The following LANCL2 variants were observed in gnomAD, a reference collection of about 807,000 sequenced individuals.
LANCL2 encodes the protein LanC like glutathione S-transferase 2, also known as lanC-like protein 2.
LANCL2 carries 33 observed loss-of-function variants against 56.9 expected under a neutral mutation model. The ratio of observed to expected loss-of-function variants is 0.58; its 90% CI spans 0.44 to 0.78. LANCL2 has a LOEUF of 0.78. LANCL2 is among the 30% of genes least tolerant of loss of function. LANCL2 has a pLI of 0.00. For synonymous variants in LANCL2, 233 were observed against 228.2 expected (o/e 1.02, Z -0.19); for missense variants, 562 against 580.2 (o/e 0.97, Z 0.32).
At chr7:55,410,893 G>A (rs1280423987) in intron 5 of LANCL2, among the ~76,000 whole-genome samples, 1 of 151,828 alleles carries the variant, frequency 6.6e-6, no homozygotes, top group Non-Finnish European at 1.5e-5. Flanking sequence ...AAGATGTGAG[G>A]TGTTAACATG....
At chr7:55,377,390 G>C (rs538098806) in intron 1 of LANCL2, among the ~76,000 whole-genome samples, 54 of 152,200 alleles carry the variant, frequency 3.5e-4, no homozygotes, top group Admixed American at 1.3e-3. Context: ...GGTGTAATTT[G>C]TATGCTTCAG....
At chr7:55,414,982 T>A (rs376634386) in intron 6 of LANCL2, among the ~76,000 whole-genome samples, 1,442 of 21,850 alleles carry the variant, frequency 0.066, 35 homozygotes, top group African/African-American at 0.18. Flanking sequence ...AGACCCTACC[T>A]CAAAAAAAAA....
At position 55,398,496 on chromosome 7, in the gene LANCL2, C is replaced by G; in HGVS notation, c.396C>G (p.Tyr132Ter). The change falls in exon 3 of 9, where the codon TAC becomes TAG. Residue 132 changes from tyrosine to a stop codon, truncating the protein, a stop_gained. Transcript: ENST00000254770. LOFTEE classifies it high-confidence loss of function. The stretch of plus-strand genomic sequence containing the variant: ...CCTACCTGCTCCGATCCCTGGATTA[C>G]GTAAAAAGAACACTTCGGAATCTGA... ...DQTYLLRSLD[Y>*]VKRTLRNLNG... 3.7e-6 allele frequency: 6 copies of G among 1,614,174 alleles called. No individual in the cohort carries two copies. The highest frequency in any genetic ancestry group is 5.1e-6 in the Non-Finnish European group (6 of 1,180,006).
chr7:55,382,902 G>A (rs1293415466), intron 1 of LANCL2, among the ~76,000 whole-genome samples: 1 of 152,208 alleles, frequency 6.6e-6, no homozygotes, highest in Non-Finnish European at 1.5e-5. Context: ...TGGTCCCCAG[G>A]CAAGAAGGGA....
intron 1 of LANCL2, among the ~76,000 whole-genome samples, chr7:55,378,851 G>A (rs553935379): frequency 8.5e-5 from 13 of 152,332 alleles, no homozygotes; most frequent in African/African-American, 2.9e-4. Flanking sequence ...TACTCCAGTA[G>A]GCTGGGCGCG....
rs1321478442 is a variant in LANCL2 at position 55,365,714 on chromosome 7, T to TGCGAGGAGGC, written c.-306_-297dup. 3.9e-6 allele frequency: 1 copy of TGCGAGGAGGC among 256,266 alleles called. No individual in the cohort carries two copies. Among genetic ancestry groups the TGCGAGGAGGC allele is most frequent in the South Asian group, 1.6e-4 (1 of 6,164 alleles). The allele number at this position is 256,266 out of a possible 1,614,324, so 15.9% of individuals were successfully genotyped here. On this transcript the variant is annotated 5_prime_UTR_variant, in exon 1 of 9. Transcript: ENST00000254770. Reference sequence around the variant, plus strand: ...CGGGCTCTGCGGGCCACGGGGAAGGTGCGAGGAGGCGCGAGCAGGCTGTGA... The same window carrying TGCGAGGAGGC: ...CGGGCTCTGCGGGCCACGGGGAAGGTGCGAGGAGGCGCGAGGAGGCGCGAGCAGGCTGTGA...
chr7:55,414,321 G>A (rs1271181813), intron 6 of LANCL2, among the ~76,000 whole-genome samples: 2 of 152,152 alleles, frequency 1.3e-5, no homozygotes, highest in African/African-American at 4.8e-5. Flanking sequence ...GCTCTACACT[G>A]TTTTCTCTCA....
chr7:55,404,675 G>A (rs1030794693), intron 5 of LANCL2, among the ~76,000 whole-genome samples: 13 of 151,334 alleles, frequency 8.6e-5, no homozygotes, highest in South Asian at 4.2e-4. Flanking sequence ...GTGCAGTGGC[G>A]CCATCTCAGC....
At position 55,387,297 on chromosome 7, in the gene LANCL2, G is replaced by A. The variant is rs1331638980; in HGVS notation, c.205-4496G>A. 3.9e-5 allele frequency among the ~76,000 whole-genome samples: 6 copies of A among 152,296 alleles called. No individual in the cohort carries two copies. The East Asian group carries it at 1.2e-3, about 29-fold the overall frequency. ...AGATAAATGTCAAGAAAATCCAGGA[G>A]TACAGATTTAAGTTATGTTAGAGGA... On this transcript the variant is annotated intron_variant, in intron 1 of 8. Coordinates refer to ENST00000254770, the MANE Select transcript of LANCL2 (RefSeq NM_018697.4).
chr7:55,424,543 TA>T (rs1200191599), intron 6 of LANCL2, among the ~76,000 whole-genome samples: 3 of 152,254 alleles, frequency 2.0e-5, no homozygotes, highest in African/African-American at 7.2e-5. Context: ...CTATGGGATG[TA>T]TGTGCCAAGA....
intron 1 of LANCL2, among the ~76,000 whole-genome samples, chr7:55,388,888 T>A (rs550555902): frequency 6.6e-6 from 1 of 152,174 alleles, no homozygotes; most frequent in African/African-American, 2.4e-5. Context: ...TTTTCCCGTT[T>A]ATCTCATTGA....
intron 1 of LANCL2, among the ~76,000 whole-genome samples, chr7:55,373,695 A>T (rs1381111381): frequency 6.6e-6 from 1 of 152,218 alleles, no homozygotes; most frequent in Non-Finnish European, 1.5e-5. Context: ...AAATTAAAAA[A>T]ATTTTTTTAT....
At chr7:55,387,333 TA>T in intron 1 of LANCL2, among the ~76,000 whole-genome samples, 1 of 152,304 alleles carries the variant, frequency 6.6e-6, no homozygotes. Flanking sequence ...AAACATTGGT[TA>T]ATGTTGACCT....
intron 6 of LANCL2, among the ~76,000 whole-genome samples, chr7:55,415,341 C>G (rs921196400): frequency 2.0e-5 from 3 of 152,232 alleles, no homozygotes; most frequent in Non-Finnish European, 2.9e-5. Flanking sequence ...TGTGCCCACA[C>G]GCCTGCCCTG....
In LANCL2 at chr7:55,365,787, C is replaced by T. The variant is rs1054541198; in HGVS notation, c.-239C>T. 2.8e-5 allele frequency: 11 copies of T among 387,200 alleles called. No individual in the cohort carries two copies. Among genetic ancestry groups the T allele is most frequent in the Admixed American group, 1.8e-4 (4 of 21,930 alleles). The allele number at this position is 387,200 out of a possible 1,614,324, so 24.0% of individuals were successfully genotyped here. ...CCGCTCCTCTCCGTCGGGAGCAGGG[C>T]AAAGGCGCCAGGAACAGGGCAGAGG... On this transcript the variant is annotated 5_prime_UTR_variant, in exon 1 of 9. Transcript: ENST00000254770.
At chr7:55,422,616 T>A (rs1188429240) in intron 6 of LANCL2, among the ~76,000 whole-genome samples, 1 of 152,198 alleles carries the variant, frequency 6.6e-6, no homozygotes. Context: ...TTCTCGTTCT[T>A]CTCTGTAATT....
intron 1 of LANCL2, among the ~76,000 whole-genome samples, chr7:55,383,568 GC>G: frequency 6.6e-6 from 1 of 152,292 alleles, no homozygotes; most frequent in Middle Eastern, 3.4e-3. Context: ...GTACTTGCTA[GC>G]CTAGCCCTTC....
intron 5 of LANCL2, among the ~76,000 whole-genome samples, chr7:55,409,926 T>C (rs1222074366): frequency 1.3e-5 from 2 of 152,218 alleles, no homozygotes; most frequent in African/African-American, 4.8e-5. Flanking sequence ...AATATTTGCA[T>C]AGTATAGTCT....
chr7:55,389,385 T>TTG (rs1431807318), intron 1 of LANCL2, among the ~76,000 whole-genome samples: 1 of 152,148 alleles, frequency 6.6e-6, no homozygotes, highest in Non-Finnish European at 1.5e-5. Flanking sequence ...CAGAATAAAT[T>TTG]AACAAAGACC....
Sources: allele counts gnomAD v4.1 joint callset (sites outside exome capture counted in the v4.1 genomes callset), GRCh38; gene constraint gnomAD v4.1.1; transcripts MANE v1.5; gene names NCBI Gene and HGNC (gene_info 2026-07-23, HGNC 2026-07-21).